PRKN: variants seen among roughly 807,000 people sequenced by gnomAD.
The protein encoded by PRKN is parkin RBR E3 ubiquitin protein ligase.
A neutral mutation model predicts 59.5 loss-of-function variants in PRKN; 56 were observed. The observed-to-expected ratio is 0.94, with a 90% CI of 0.76 to 1.18. The LOEUF (loss-of-function observed/expected upper bound fraction) is 1.18. PRKN is among the 50% of genes most tolerant of loss of function. The pLI, the probability that PRKN is intolerant of heterozygous loss-of-function variation, is 0.00. For missense variants in PRKN, 657 were observed against 596.4 expected, an observed-to-expected ratio of 1.10 and a Z score of -1.06; for synonymous variants, 250 against 222.1, an observed-to-expected ratio of 1.13 and a Z score of -1.12.
intron 2 of PRKN, among the ~76,000 whole-genome samples, chr6:162,307,323 C>A (rs1204227650): frequency 6.6e-6 from 1 of 151,566 alleles, no homozygotes; most frequent in Non-Finnish European, 1.5e-5. Context: ...TCGCTTTAAC[C>A]CAGGAGGTGG....
At chr6:162,537,447 G>A (rs1778764196) in intron 1 of PRKN, among the ~76,000 whole-genome samples, 1 of 152,102 alleles carries the variant, frequency 6.6e-6, no homozygotes, top group Non-Finnish European at 1.5e-5. Flanking sequence ...CGTGTTCCCT[G>A]TCACCTGGCA....
chr6:162,476,269 T>C (rs1354531252), intron 1 of PRKN, among the ~76,000 whole-genome samples: 2 of 151,382 alleles, frequency 1.3e-5, no homozygotes, highest in African/African-American at 4.9e-5. Flanking sequence ...ACGGGGTTTC[T>C]CCATGTTGGT....
intron 4 of PRKN, among the ~76,000 whole-genome samples, chr6:162,133,461 G>A (rs1781452154): frequency 1.3e-5 from 2 of 152,148 alleles, no homozygotes; most frequent in South Asian, 4.1e-4. Flanking sequence ...TTGGCAGGAA[G>A]TATTTAGAGT....
At chr6:162,538,450 G>A (rs1778802926) in intron 1 of PRKN, among the ~76,000 whole-genome samples, 1 of 151,626 alleles carries the variant, frequency 6.6e-6, no homozygotes, top group African/African-American at 2.4e-5. Flanking sequence ...ATACCTAAAG[G>A]CAACACAACT....
At chr6:161,383,245 A>G (rs1048361564) in intron 10 of PRKN, among the ~76,000 whole-genome samples, 4 of 152,230 alleles carry the variant, frequency 2.6e-5, no homozygotes, top group African/African-American at 9.6e-5. Flanking sequence ...AAAGCCCTTC[A>G]TTCTGTTATC....
At chr6:162,379,321 G>A (rs920782122) in intron 2 of PRKN, among the ~76,000 whole-genome samples, 15 of 152,210 alleles carry the variant, frequency 9.9e-5, no homozygotes, top group African/African-American at 3.1e-4. Context: ...GGGAGTAGGA[G>A]TCCTCAATTC....
intron 5 of PRKN, among the ~76,000 whole-genome samples, chr6:162,043,724 G>A (rs997160261): frequency 2.0e-5 from 3 of 152,148 alleles, no homozygotes; most frequent in African/African-American, 7.2e-5. Flanking sequence ...AAAAGGTAAC[G>A]GCAACAGAAA....
chr6:162,297,486 T>G (rs1055852571), intron 2 of PRKN, among the ~76,000 whole-genome samples: 10 of 152,118 alleles, frequency 6.6e-5, no homozygotes, highest in African/African-American at 1.9e-4. Context: ...GAACTTCTGT[T>G]TGAAGAGTGA....
chr6:161,596,124 C>T (rs1160620041), intron 7 of PRKN, among the ~76,000 whole-genome samples: 1 of 152,088 alleles, frequency 6.6e-6, no homozygotes, highest in African/African-American at 2.4e-5. Flanking sequence ...GCTTGCTATA[C>T]CTATCAGGGT....
Position 162,203,487 on chromosome 6 carries a change from C to T in PRKN, c.413-2235G>A, listed in dbSNP as rs553690428. ...GTAAATCTTGAGAGCCCCTCCAGAA[C>T]GGCTTCCCTATTTATTTAGCTACAT... On this transcript the variant is annotated intron_variant, in intron 3 of 11. Coordinates refer to ENST00000366898, the MANE Select transcript of PRKN (RefSeq NM_004562.3). Among the ~76,000 whole-genome samples the T allele has an allele frequency of 5.2e-4, 79 of 152,296 alleles. 1 individual carries two copies. In the South Asian group the frequency reaches 6.8e-3, roughly 13 times the overall value.
chr6:162,647,366 C>A (rs1025490644), intron 1 of PRKN, among the ~76,000 whole-genome samples: 1 of 151,994 alleles, frequency 6.6e-6, no homozygotes, highest in African/African-American at 2.4e-5. Flanking sequence ...CATATTAGGT[C>A]AGATGTCATG....
intron 2 of PRKN, among the ~76,000 whole-genome samples, chr6:162,332,526 C>G (rs9356004): frequency 6.6e-6 from 1 of 152,248 alleles, no homozygotes; most frequent in East Asian, 1.9e-4. Context: ...CAGTATAAAC[C>G]CATGCCATCA....
intron 2 of PRKN, among the ~76,000 whole-genome samples, chr6:162,418,244 G>C (rs1788747766): frequency 6.6e-6 from 1 of 152,138 alleles, no homozygotes; most frequent in Non-Finnish European, 1.5e-5. Flanking sequence ...AGTGAAAGAA[G>C]GCAATCACAA....
Position 161,548,836 on chromosome 6 carries a change from G to T in PRKN, c.1083+18C>A. The T allele has an allele frequency of 6.2e-7, 1 of 1,612,494 alleles. No individual in the cohort carries two copies. The highest frequency in any genetic ancestry group is 8.5e-7 in the Non-Finnish European group (1 of 1,178,570). ...AAGGACAGGAACACACCGCTCCAGGGGTGTGGGCAGTACTCACCCCACAGC... is the reference window on the plus strand; with the variant it reads ...AAGGACAGGAACACACCGCTCCAGGTGTGTGGGCAGTACTCACCCCACAGC... On this transcript the variant is annotated intron_variant, in intron 9 of 11. Transcript: ENST00000366898. This position sits in a 1 kb window ranked among gnomAD's most constrained non-coding sequence, Gnocchi z 4.2.
At chr6:162,470,513 C>T (rs1367720582) in intron 1 of PRKN, among the ~76,000 whole-genome samples, 4 of 152,086 alleles carry the variant, frequency 2.6e-5, no homozygotes, top group Non-Finnish European at 5.9e-5. Flanking sequence ...ATCGCTTGAA[C>T]CCGGGAGGCG....
intron 2 of PRKN, among the ~76,000 whole-genome samples, chr6:162,333,957 AAAG>A (rs1393065867): frequency 1.3e-5 from 2 of 152,194 alleles, no homozygotes; most frequent in East Asian, 3.9e-4. Flanking sequence ...TGATATGGAG[AAAG>A]TCTGAGTTAT....
chr6:162,058,993 A>G (rs936362852), intron 4 of PRKN, among the ~76,000 whole-genome samples: 4 of 151,562 alleles, frequency 2.6e-5, no homozygotes, highest in Non-Finnish European at 4.4e-5. Flanking sequence ...AGCACCAATA[A>G]TTAAATGCAG....
intron 2 of PRKN, among the ~76,000 whole-genome samples, chr6:162,398,644 C>T (rs1787607054): frequency 6.6e-6 from 1 of 152,212 alleles, no homozygotes; most frequent in African/African-American, 2.4e-5. Flanking sequence ...CCCGCCTCAG[C>T]CTCCCAAAGT....
At chr6:161,597,129 A>T (rs1247781048) in intron 7 of PRKN, among the ~76,000 whole-genome samples, 2 of 152,138 alleles carry the variant, frequency 1.3e-5, no homozygotes, top group East Asian at 3.9e-4. Flanking sequence ...CAGGGTGATG[A>T]GATGTTATCT....
Sources: gnomAD v4.1 joint callset for allele counts (sites outside exome capture counted in the v4.1 genomes callset) on GRCh38, gnomAD v4.1.1 for gene constraint, Gnocchi (gnomAD v3.1) non-coding constraint, MANE v1.5 for transcripts, NCBI Gene and HGNC (gene_info 2026-07-23, HGNC 2026-07-21) for gene names.